TBP: variants seen among roughly 807,000 people sequenced by gnomAD.
TBP encodes the protein TATA-box binding protein, also known as TATA-box-binding protein.
Under a neutral mutation model 46.2 loss-of-function variants are expected in TBP, and 12 were observed. The observed-to-expected ratio is 0.26, with a 90% CI of 0.17 to 0.42. The LOEUF (loss-of-function observed/expected upper bound fraction) is 0.42, where lower values mean the gene tolerates loss of function less well. Among genes scored for constraint, TBP ranks in the 10% least tolerant of loss-of-function variants. The pLI is 1.00. For synonymous variants in TBP, 157 were observed against 148.3 expected (o/e 1.06, Z -0.42); for missense variants, 229 against 403.1 (o/e 0.57, Z 3.70).
Position 170,561,884 on chromosome 6 carries a change from T to C in TBP, c.148T>C (p.Ser50Pro). 6.2e-7 allele frequency: 1 copy of C among 1,613,408 alleles called. No individual in the cohort carries two copies. Residue 50 changes from serine to proline, a missense_variant, in exon 3 of 8, where the codon TCT (serine) becomes CCT (proline). Transcript: ENST00000392092. ...PQPIQNTNSL[S>P]ILEEQQRQQQ... ...GCCTATTCAGAACACCAATAGTCTG[T>C]CTATTTTGGAAGAGCAACAAAGGCA...
In TBP at chr6:170,557,060, G is replaced by T; in HGVS notation, c.31G>T (p.Ala11Ser). MDQNNSLPPY[A>S]QGLASPQGAM... ...TCAGAACAACAGCCTGCCACCTTAC[G>T]CTCAGGGCTTGGCCTCCCCTCAGGT... Residue 11 changes from alanine to serine, a missense_variant, in exon 2 of 8, where the codon GCT becomes TCT. By Grantham distance (99) the Ala-to-Ser change is moderately conservative. This residue lies in a region of TBP where 49 missense variants were observed against 94.7 expected (regional missense o/e 0.52). Coordinates refer to ENST00000392092, the MANE Select transcript of TBP (RefSeq NM_003194.5). The T allele has an allele frequency of 6.2e-7, 1 of 1,614,140 alleles. No homozygotes were observed. Among genetic ancestry groups the T allele is most frequent in the South Asian group, 1.1e-5 (1 of 91,082 alleles).
At position 170,572,298 on chromosome 6, in the gene TBP, CTT is replaced by C; in HGVS notation, c.*34_*35del. On this transcript the variant is annotated 3_prime_UTR_variant, in exon 8 of 8. Coordinates refer to ENST00000392092, the MANE Select transcript of TBP (RefSeq NM_003194.5). ...CATGTACCCTTGCCTCCCCCACCCC[CTT>C]CTTTTTTTTTTTTTAAACAAATCAG... 6.6e-7 allele frequency: 1 copy of C among 1,518,950 alleles called. No individual in the cohort carries two copies. The highest frequency in any genetic ancestry group is 2.3e-5 in the East Asian group (1 of 44,380). 94.1% of individuals were successfully genotyped at this position (1,518,950 alleles called of 1,614,324 possible).
Position 170,571,513 on chromosome 6 carries a change from T to C in TBP, c.940+9T>C. ...AAAAGTTGTATTAACAGGTAAGTTG[T>C]AACAGGAAGTAGTATCTGAAAGTTT... On this transcript the variant is annotated intron_variant, in intron 7 of 7. Coordinates refer to ENST00000392092, the MANE Select transcript of TBP (RefSeq NM_003194.5). 6.3e-7 allele frequency: 1 copy of C among 1,581,154 alleles called. No individual in the cohort carries two copies. The highest frequency in any genetic ancestry group is 8.7e-7 in the Non-Finnish European group (1 of 1,150,392).
At chr6:170,557,675 G>A (rs778131540) in intron 2 of TBP, among the ~76,000 whole-genome samples, 2 of 137,668 alleles carry the variant, frequency 1.5e-5, no homozygotes, top group Non-Finnish European at 3.0e-5. Context: ...GGTGGAGGTT[G>A]CAGTGAGCAG....
At chr6:170,570,085 T>TC (rs1779341925) in intron 6 of TBP, among the ~76,000 whole-genome samples, 3 of 151,770 alleles carry the variant, frequency 2.0e-5, no homozygotes, top group African/African-American at 7.3e-5. Context: ...GACCCTAACC[T>TC]TGTATCAATT....
At chr6:170,567,069 A>C in intron 5 of TBP, 60 bp downstream of exon 5, 106 of 1,438,626 alleles carry the variant, frequency 7.4e-5, no homozygotes, top group Non-Finnish European at 9.2e-5. Context: ...GTGATATCTC[A>C]TTGTTTTTAG....
intron 2 of TBP, among the ~76,000 whole-genome samples, chr6:170,557,997 TG>T: frequency 6.6e-6 from 1 of 152,298 alleles, no homozygotes; most frequent in South Asian, 2.1e-4. Flanking sequence ...TGCTTTTTTG[TG>T]TATGTCTGAC....
intron 2 of TBP, among the ~76,000 whole-genome samples, chr6:170,558,486 A>T (rs540612190): frequency 6.6e-6 from 1 of 152,054 alleles, no homozygotes; most frequent in South Asian, 2.1e-4. Flanking sequence ...ACACAGGCCC[A>T]CCTCACTTTA....
At chr6:170,557,368 A>G (rs1040672195) in intron 2 of TBP, among the ~76,000 whole-genome samples, 1 of 152,064 alleles carries the variant, frequency 6.6e-6, no homozygotes, top group African/African-American at 2.4e-5. Flanking sequence ...TTTGAAAATC[A>G]CCCTCACCAA....
At chr6:170,557,660 C>T (rs946244406) in intron 2 of TBP, among the ~76,000 whole-genome samples, 6 of 132,168 alleles carry the variant, frequency 4.5e-5, no homozygotes, top group African/African-American at 1.4e-4. Context: ...TGCTTGAACC[C>T]GGGAGGTGGA....
intron 3 of TBP, among the ~76,000 whole-genome samples, chr6:170,562,889 G>A (rs1022013093): frequency 1.3e-5 from 2 of 152,134 alleles, no homozygotes; most frequent in African/African-American, 4.8e-5. Context: ...GTTACTTGCA[G>A]TCTCTGCATC....
At position 170,556,910 on chromosome 6, in the gene TBP, A is replaced by G. The variant is rs573618262; in HGVS notation, c.-120A>G. On this transcript the variant is annotated 5_prime_UTR_variant, in exon 2 of 8. Coordinates refer to ENST00000392092, the MANE Select transcript of TBP (RefSeq NM_003194.5). ...CACTGTTTCTTGGCGTGTGAAGATA[A>G]CCCAAGGAATTGAGGAAGTTGCTGA... The G allele has an allele frequency of 4.3e-4, 383 of 899,100 alleles. No individual in the cohort carries two copies. Among genetic ancestry groups the G allele is most frequent in the Non-Finnish European group, 6.3e-4 (355 of 560,812 alleles). 55.7% of individuals were successfully genotyped at this position (899,100 alleles called of 1,614,324 possible).
At chr6:170,562,685 C>T (rs1187185522) in intron 3 of TBP, among the ~76,000 whole-genome samples, 1 of 152,098 alleles carries the variant, frequency 6.6e-6, no homozygotes, top group East Asian at 1.9e-4. Flanking sequence ...GTGTCCTTCC[C>T]ACAAAATGAA....
In TBP at chr6:170,556,962, A is replaced by G. The variant is rs1240537012; in HGVS notation, c.-68A>G. Reference sequence around the variant, plus strand: ...AAGAGTGTGCTGGAGATGCTCTAGGAAAAAATTGAATAGTGAGACGAGTTC... The same window carrying G: ...AAGAGTGTGCTGGAGATGCTCTAGGGAAAAATTGAATAGTGAGACGAGTTC... On this transcript the variant is annotated 5_prime_UTR_variant, in exon 2 of 8. Transcript: ENST00000392092. 2.0e-6 allele frequency: 3 copies of G among 1,517,898 alleles called. No homozygotes were observed. Among genetic ancestry groups the G allele is most frequent in the Non-Finnish European group, 2.7e-6 (3 of 1,095,004 alleles). 94.0% of individuals were successfully genotyped at this position (1,517,898 alleles called of 1,614,324 possible).
In TBP at chr6:170,569,626, G is replaced by T; in HGVS notation, c.692G>T (p.Arg231Ile). Residue 231 changes from arginine to isoleucine, a missense_variant, in exon 6 of 8, where the codon AGA (arginine) becomes ATA (isoleucine). Arg to Ile is a moderately conservative substitution (Grantham distance 97). Coordinates refer to ENST00000392092, the MANE Select transcript of TBP (RefSeq NM_003194.5). Reference protein sequence around the residue: ...CTGAKSEEQSRLAARKYARVV... With the variant: ...CTGAKSEEQSILAARKYARVV... Reference sequence around the variant, plus strand: ...CCTTTCCCTAGTGAAGAACAGTCCAGACTGGCAGCAAGAAAATATGCTAGA... The same window carrying T: ...CCTTTCCCTAGTGAAGAACAGTCCATACTGGCAGCAAGAAAATATGCTAGA... 1.2e-6 allele frequency: 2 copies of T among 1,613,972 alleles called. No individual in the cohort carries two copies. Among genetic ancestry groups the T allele is most frequent in the South Asian group, 2.2e-5 (2 of 91,028 alleles).
intron 5 of TBP, among the ~76,000 whole-genome samples, chr6:170,568,489 T>C (rs1390066946): frequency 6.6e-6 from 1 of 152,138 alleles, no homozygotes; most frequent in Non-Finnish European, 1.5e-5. Flanking sequence ...GGAGTCTCGC[T>C]CTGCGCCCAG....
chr6:170,569,473 G>A, intron 5 of TBP, 139 bp from the exon 6 acceptor site: 1 of 623,506 alleles, frequency 1.6e-6, no homozygotes, highest in African/African-American at 1.9e-5. Context: ...ATGCCTGTCA[G>A]TCTTTTCTCC....
intron 1 of TBP, among the ~76,000 whole-genome samples, chr6:170,554,994 C>T (rs914952189): frequency 4.6e-5 from 7 of 152,218 alleles, no homozygotes; most frequent in African/African-American, 9.6e-5. Flanking sequence ...TCTAGGTAGA[C>T]TTTTCTGTGA....
chr6:170,569,709 G>A lies in TBP; in HGVS notation c.775G>A (p.Val259Met). Residue 259 changes from valine to methionine, a missense_variant, in exon 6 of 8, where the codon GTG (valine) becomes ATG (methionine). Val to Met is a conservative substitution (Grantham distance 21). Coordinates refer to ENST00000392092, the MANE Select transcript of TBP (RefSeq NM_003194.5). ...KFLDFKIQNM[V>M]GSCDVKFPIR... ...CTTGGACTTCAAGATTCAGAATATG[G>A]TGGGGAGCTGTGATGTGAAGTTTCC... 2 of 1,614,132 alleles carry A rather than the reference G, an allele frequency of 1.2e-6. No individual in the cohort carries two copies. Among genetic ancestry groups the A allele is most frequent in the Non-Finnish European group, 1.7e-6 (2 of 1,180,008 alleles).
Sources: allele counts gnomAD v4.1 joint callset (sites outside exome capture counted in the v4.1 genomes callset), GRCh38; gene constraint gnomAD v4.1.1; regional missense constraint gnomAD v4.1.1; transcripts MANE v1.5; gene names NCBI Gene and HGNC (gene_info 2026-07-23, HGNC 2026-07-21).